Variants in IST1 observed in about 807,000 individuals in gnomAD.
IST1 encodes the protein IST1 homolog.
Under a neutral mutation model 37.0 loss-of-function variants are expected in IST1, and 23 were observed. That is an observed-to-expected ratio of 0.62 (90% CI 0.45 to 0.88). The LOEUF (loss-of-function observed/expected upper bound fraction) is 0.88. Ranked by LOEUF, IST1 falls within the 40% of genes least tolerant of loss-of-function variation. The pLI is 0.00. For synonymous variants in IST1, 180 were observed against 161.7 expected, an observed-to-expected ratio of 1.11 and a Z score of -0.86; for missense variants, 488 against 445.4, an observed-to-expected ratio of 1.10 and a Z score of -0.86.
chr16:71,907,241 T>C (rs1487604029), intron 1 of IST1, among the ~76,000 whole-genome samples: 1 of 152,096 alleles, frequency 6.6e-6, no homozygotes, highest in South Asian at 2.1e-4. Flanking sequence ...AAATAATGTT[T>C]TTAAAGAATA....
Position 71,895,550 on chromosome 16 carries a change from G to C in IST1, c.-55G>C. On this transcript the variant is annotated 5_prime_UTR_variant, in exon 1 of 10. Coordinates refer to ENST00000378799, the MANE Select transcript of IST1 (RefSeq NM_001270975.2). ...GTCGCCATTTTGGATGGTGAACCCTGAAGTCGGTGTCTGCTGCGTTCACGG... is the reference window on the plus strand; with the variant it reads ...GTCGCCATTTTGGATGGTGAACCCTCAAGTCGGTGTCTGCTGCGTTCACGG... The C allele has an allele frequency of 1.0e-6, 1 of 985,728 alleles. No homozygotes were observed. Among genetic ancestry groups the C allele is most frequent in the Non-Finnish European group, 1.2e-6 (1 of 830,076 alleles). The allele number at this position is 985,728 out of a possible 1,614,324, so 61.1% of individuals were successfully genotyped here. A position where few individuals can be genotyped will look rare whatever the true frequency, so the allele number is the denominator to read the frequency against.
intron 9 of IST1, among the ~76,000 whole-genome samples, chr16:71,925,480 T>C (rs2037720288): frequency 6.6e-6 from 1 of 151,698 alleles, no homozygotes; most frequent in African/African-American, 2.4e-5. Context: ...CACGCCCAGC[T>C]AATTTTTGTA....
At chr16:71,898,676 A>C (rs1365570096) in intron 1 of IST1, among the ~76,000 whole-genome samples, 2 of 150,378 alleles carry the variant, frequency 1.3e-5, no homozygotes, top group East Asian at 2.0e-4. Flanking sequence ...AAAAAAAAAA[A>C]AACAAAAAAG....
At chr16:71,926,350 GTTTT>G (rs879484620) in intron 9 of IST1, among the ~76,000 whole-genome samples, 3 of 142,410 alleles carry the variant, frequency 2.1e-5, no homozygotes, top group Non-Finnish European at 4.6e-5. Context: ...AAAACTCATA[GTTTT>G]TTTTTTTTTT....
At chr16:71,920,548 G>A (rs923776027) in intron 4 of IST1, among the ~76,000 whole-genome samples, 191 bp from the exon 5 acceptor site, 3 of 152,068 alleles carry the variant, frequency 2.0e-5, no homozygotes, top group Admixed American at 6.6e-5. Context: ...TTTGGCACTC[G>A]AGTGCTGCTC....
intron 5 of IST1, 112 bp from the exon 6 acceptor site, chr16:71,921,231 T>A: frequency 2.9e-6 from 2 of 693,978 alleles, no homozygotes; most frequent in Non-Finnish European, 5.1e-6. Flanking sequence ...CTCTGAACCT[T>A]TTTTTCCCTC....
At chr16:71,911,369 A>G (rs1425468408) in intron 1 of IST1, among the ~76,000 whole-genome samples, 2 of 149,154 alleles carry the variant, frequency 1.3e-5, no homozygotes, top group East Asian at 2.0e-4. Flanking sequence ...AAAAAAAACT[A>G]TTGCTATACA....
chr16:71,896,975 G>A (rs79123282), intron 1 of IST1, among the ~76,000 whole-genome samples: 26 of 146,844 alleles, frequency 1.8e-4, no homozygotes, highest in East Asian at 2.0e-4. Flanking sequence ...TGTAAAAAAA[G>A]AAAAAAAAAA....
chr16:71,921,465 C>A lies in IST1; in HGVS notation c.552+12C>A. ...ACTCTGTGGTCATGGTAAGTTTATC[C>A]CAGAATACAAAGAAAAATGAGTTTG... On this transcript the variant is annotated intron_variant, in intron 6 of 9. Coordinates refer to ENST00000378799, the MANE Select transcript of IST1 (RefSeq NM_001270975.2). 1.3e-6 allele frequency: 2 copies of A among 1,512,724 alleles called. No individual in the cohort carries two copies. The highest frequency in any genetic ancestry group is 1.8e-6 in the Non-Finnish European group (2 of 1,088,924). The allele number at this position is 1,512,724 out of a possible 1,614,324, so 93.7% of individuals were successfully genotyped here. A position where few individuals can be genotyped will look rare whatever the true frequency, so the allele number is the denominator to read the frequency against.
chr16:71,899,054 T>C (rs939145277), intron 1 of IST1, among the ~76,000 whole-genome samples: 1 of 152,142 alleles, frequency 6.6e-6, no homozygotes, highest in Non-Finnish European at 1.5e-5. Context: ...GAGAACAAGA[T>C]GAAGATACTT....
At position 71,916,541 on chromosome 16, in the gene IST1, G is replaced by A. The variant is rs767709136; in HGVS notation, c.168G>A (p.Val56=). The change falls in exon 3 of 10, where the codon GTG becomes GTA. Residue 56 remains valine (V), a synonymous_variant. Transcript: ENST00000378799. ...AGKDERARIR[V]EHIIREDYLV... ...AAGATGAACGAGCTCGGATCCGTGT[G>A]GAGCACATTATCCGGGAAGACTACC... is the stretch of plus-strand genomic sequence containing the variant. 2 of 1,613,908 alleles carry A rather than the reference G, an allele frequency of 1.2e-6. No individual in the cohort carries two copies. The highest frequency in any genetic ancestry group is 2.2e-5 in the South Asian group (2 of 91,072).
At chr16:71,896,863 G>A (rs1174892538) in intron 1 of IST1, among the ~76,000 whole-genome samples, 1 of 152,088 alleles carries the variant, frequency 6.6e-6, no homozygotes, top group African/African-American at 2.4e-5. Context: ...TATAGTCCAG[G>A]AGGCTGAGGT....
intron 1 of IST1, among the ~76,000 whole-genome samples, chr16:71,905,189 T>C (rs1432178483): frequency 6.6e-6 from 1 of 150,790 alleles, no homozygotes; most frequent in African/African-American, 2.4e-5. Context: ...GTGCGTGCCA[T>C]CACACCGGGC....
At chr16:71,915,508 C>A (rs1225650198) in intron 1 of IST1, 118 bp from the exon 2 acceptor site, 2 of 637,708 alleles carry the variant, frequency 3.1e-6, no homozygotes, top group East Asian at 2.9e-5. Context: ...TAGATCATGT[C>A]ATTTTCCTGT....
In IST1 at chr16:71,923,182, TTTAG is replaced by T. The variant is rs2037650408; in HGVS notation, c.760-104_760-101del. The T allele has an allele frequency of 7.0e-6, 4 of 568,822 alleles. No homozygotes were observed. In the South Asian group the frequency reaches 7.8e-5, roughly 11 times the overall value. 35.2% of individuals were successfully genotyped at this position (568,822 alleles called of 1,614,324 possible). A position where few individuals can be genotyped will look rare whatever the true frequency, so the allele number is the denominator to read the frequency against. ...TAAGGATCTTGAATATTTATATATATTTAGTATGAGAATATAAATGTATTTCTTT... is the reference window on the plus strand; with the variant it reads ...TAAGGATCTTGAATATTTATATATATTATGAGAATATAAATGTATTTCTTT... On this transcript the variant is annotated intron_variant, in intron 7 of 9. Coordinates refer to ENST00000378799, the MANE Select transcript of IST1 (RefSeq NM_001270975.2).
At chr16:71,899,641 C>T (rs769089106) in intron 1 of IST1, among the ~76,000 whole-genome samples, 3 of 152,050 alleles carry the variant, frequency 2.0e-5, no homozygotes, top group East Asian at 1.9e-4. Context: ...TCTGGGAGGC[C>T]GAGGCGGGTG....
chr16:71,921,635 TGAC>T, intron 6 of IST1, 182 bp downstream of exon 6: 1 of 537,140 alleles, frequency 1.9e-6, no homozygotes, highest in Non-Finnish European at 3.3e-6. Flanking sequence ...ATTAGATGAA[TGAC>T]AACACTTTGA....
At chr16:71,902,813 G>A (rs1190621152) in intron 1 of IST1, among the ~76,000 whole-genome samples, 1 of 151,826 alleles carries the variant, frequency 6.6e-6, no homozygotes, top group Non-Finnish European at 1.5e-5. Context: ...TTGTTATATA[G>A]GTATGTCAGT....
intron 1 of IST1, among the ~76,000 whole-genome samples, 180 bp from the exon 2 acceptor site, chr16:71,915,446 C>A (rs906320180): frequency 2.6e-5 from 4 of 152,144 alleles, no homozygotes; most frequent in Non-Finnish European, 4.4e-5. Flanking sequence ...TATTATCCTT[C>A]CCCAATCAGT....
Sources: gnomAD v4.1 joint callset for allele counts (sites outside exome capture counted in the v4.1 genomes callset) on GRCh38, gnomAD v4.1.1 for gene constraint, MANE v1.5 for transcripts, NCBI Gene and HGNC (gene_info 2026-07-23, HGNC 2026-07-21) for gene names.